NECAB1: variants seen among roughly 807,000 people sequenced by gnomAD.
NECAB1 encodes N-terminal EF-hand calcium binding protein 1, also known as N-terminal EF-hand calcium-binding protein 1.
A neutral mutation model predicts 57.5 loss-of-function variants in NECAB1; 29 were observed. That is an observed-to-expected ratio of 0.50 (90% CI 0.38 to 0.69). The LOEUF is 0.69. NECAB1 is among the 30% of genes least tolerant of loss of function. The pLI is 0.00. For synonymous variants in NECAB1, 142 were observed against 147.7 expected, an observed-to-expected ratio of 0.96 and a Z score of 0.28; for missense variants, 372 against 413.8, an observed-to-expected ratio of 0.90 and a Z score of 0.88.
intron 3 of NECAB1, among the ~76,000 whole-genome samples, chr8:90,863,724 C>CT (rs534489109): frequency 5.3e-5 from 8 of 151,702 alleles, no homozygotes; most frequent in African/African-American, 1.7e-4. Flanking sequence ...AGAATTATTT[C>CT]TTTTTTTTAG....
Position 90,827,296 on chromosome 8 carries a change from A to G in NECAB1, c.233+2471A>G, listed in dbSNP as rs1812241058. On this transcript the variant is annotated intron_variant, in intron 3 of 12. Coordinates refer to ENST00000417640, the MANE Select transcript of NECAB1 (RefSeq NM_022351.5). Reference sequence around the variant, plus strand: ...GAGTACAGCCTGGCCTGAAGGAGTCAGTCATACATAACCTGGACCAAAACA... The same window carrying G: ...GAGTACAGCCTGGCCTGAAGGAGTCGGTCATACATAACCTGGACCAAAACA... 1.3e-5 allele frequency among the ~76,000 whole-genome samples: 2 copies of G among 152,014 alleles called. 1 individual carries two copies. Among genetic ancestry groups the G allele is most frequent in the South Asian group, 4.1e-4 (2 of 4,828 alleles).
At chr8:90,877,548 T>C (rs990103762) in intron 4 of NECAB1, among the ~76,000 whole-genome samples, 2 of 152,118 alleles carry the variant, frequency 1.3e-5, no homozygotes, top group African/African-American at 4.8e-5. Context: ...TAAATAAGCC[T>C]ACAAATCACC....
At chr8:90,864,091 C>T (rs897345568) in intron 3 of NECAB1, among the ~76,000 whole-genome samples, 3 of 151,930 alleles carry the variant, frequency 2.0e-5, no homozygotes, top group Admixed American at 2.0e-4. Flanking sequence ...GCTACAACAT[C>T]CAAGCACACA....
intron 3 of NECAB1, among the ~76,000 whole-genome samples, chr8:90,846,673 A>G (rs988724323): frequency 6.6e-6 from 1 of 152,252 alleles, no homozygotes; most frequent in South Asian, 2.1e-4. Flanking sequence ...ATGGATTCAC[A>G]GTTCCACAAG....
intron 4 of NECAB1, among the ~76,000 whole-genome samples, chr8:90,878,218 T>A (rs910902110): frequency 6.6e-6 from 1 of 152,118 alleles, no homozygotes; most frequent in Non-Finnish European, 1.5e-5. Flanking sequence ...AATGATTATG[T>A]GTATTGCAGT....
chr8:90,879,728 T>G (rs146774135), intron 4 of NECAB1, among the ~76,000 whole-genome samples: 1 of 152,312 alleles, frequency 6.6e-6, no homozygotes, highest in Non-Finnish European at 1.5e-5. Flanking sequence ...TAGACATATT[T>G]GTCAACCTTA....
chr8:90,955,774 C>A lies in NECAB1; in HGVS notation c.*262C>A. The A allele has an allele frequency of 1.1e-5, 4 of 369,970 alleles. No individual in the cohort carries two copies. The highest frequency in any genetic ancestry group is 7.1e-5 in the South Asian group (1 of 14,070). The allele number at this position is 369,970 out of a possible 1,614,324, so 22.9% of individuals were successfully genotyped here. The stretch of plus-strand genomic sequence containing the variant: ...TAACTCACCTAAAACCTTTTAGTGA[C>A]AAAATCCTAATATGTGGAAAAAAGC... On this transcript the variant is annotated 3_prime_UTR_variant, in exon 13 of 13. Transcript: ENST00000417640.
chr8:90,792,149 A>G lies in NECAB1; in HGVS notation c.99+164A>G, dbSNP rs535353907. 3.3e-5 allele frequency among the ~76,000 whole-genome samples: 5 copies of G among 152,332 alleles called. No individual in the cohort carries two copies. The South Asian group carries it at 6.2e-4, about 19-fold the overall frequency. ...GAGGAACGACTGTCCCTTAACTTGCAGCTAGGGCTGTCCCAGACCTGCAGC... is the reference window on the plus strand; with the variant it reads ...GAGGAACGACTGTCCCTTAACTTGCGGCTAGGGCTGTCCCAGACCTGCAGC... On this transcript the variant is annotated intron_variant, in intron 1 of 12. Coordinates refer to ENST00000417640, the MANE Select transcript of NECAB1 (RefSeq NM_022351.5).
chr8:90,946,654 C>T (rs1456884664), intron 10 of NECAB1, among the ~76,000 whole-genome samples: 1 of 152,166 alleles, frequency 6.6e-6, no homozygotes, highest in African/African-American at 2.4e-5. Flanking sequence ...CCTTCTGGCT[C>T]TTCACCAGAT....
intron 3 of NECAB1, among the ~76,000 whole-genome samples, chr8:90,858,189 G>T (rs1812828180): frequency 6.6e-6 from 1 of 152,080 alleles, no homozygotes; most frequent in Non-Finnish European, 1.5e-5. Context: ...AATAATTGAA[G>T]TCCCAATATG....
chr8:90,906,897 A>ATATATATATGTATATATATATG (rs1554574089), intron 5 of NECAB1, among the ~76,000 whole-genome samples: 4 of 140,276 alleles, frequency 2.9e-5, no homozygotes, highest in African/African-American at 8.2e-5. Flanking sequence ...ATATATATAT[A>ATATATATATGTATATATATATG]TATATATATA....
intron 5 of NECAB1, among the ~76,000 whole-genome samples, chr8:90,885,931 G>A (rs1255331314): frequency 2.0e-5 from 3 of 152,178 alleles, no homozygotes; most frequent in Non-Finnish European, 4.4e-5. Context: ...CCAGAGCTCA[G>A]TGTAATATGT....
chr8:90,862,760 G>A (rs565179073), intron 3 of NECAB1, among the ~76,000 whole-genome samples: 1 of 134,880 alleles, frequency 7.4e-6, no homozygotes, highest in East Asian at 2.5e-4. Flanking sequence ...ATTGAATGTT[G>A]GAAATATAAA....
intron 3 of NECAB1, among the ~76,000 whole-genome samples, chr8:90,870,861 G>A (rs889464211): frequency 6.6e-6 from 1 of 152,196 alleles, no homozygotes; most frequent in Non-Finnish European, 1.5e-5. Context: ...ATGAATGGGA[G>A]TGCATACCAA....
intron 10 of NECAB1, among the ~76,000 whole-genome samples, chr8:90,946,750 C>A (rs893897002): frequency 6.6e-6 from 1 of 152,104 alleles, no homozygotes; most frequent in African/African-American, 2.4e-5. Flanking sequence ...TCCCAGAGTC[C>A]CTGCTTCCCA....
chr8:90,909,983 CTTTTA>C (rs1235544409), intron 5 of NECAB1, among the ~76,000 whole-genome samples: 1 of 151,872 alleles, frequency 6.6e-6, no homozygotes, highest in Non-Finnish European at 1.5e-5. Context: ...TCTCAAATCC[CTTTTA>C]TTTGTTTTCT....
intron 2 of NECAB1, among the ~76,000 whole-genome samples, chr8:90,807,726 T>C (rs1055033895): frequency 1.1e-4 from 16 of 152,216 alleles, no homozygotes; most frequent in African/African-American, 2.4e-4. Flanking sequence ...ATAATGAAAC[T>C]GAGAATCAGA....
At chr8:90,792,463 C>T (rs1257299799) in intron 1 of NECAB1, among the ~76,000 whole-genome samples, 1 of 152,174 alleles carries the variant, frequency 6.6e-6, no homozygotes, top group Non-Finnish European at 1.5e-5. Context: ...AAAACAATTA[C>T]TTTGAGCATA....
At chr8:90,822,882 A>G (rs1489250752) in intron 2 of NECAB1, among the ~76,000 whole-genome samples, 1 of 151,178 alleles carries the variant, frequency 6.6e-6, no homozygotes, top group Admixed American at 6.6e-5. Context: ...TTTTTTAAAC[A>G]GTACATGAAA....
Sources: gnomAD v4.1 joint callset for allele counts (sites outside exome capture counted in the v4.1 genomes callset) on GRCh38, gnomAD v4.1.1 for gene constraint, MANE v1.5 for transcripts, NCBI Gene and HGNC (gene_info 2026-07-23, HGNC 2026-07-21) for gene names.